The following ADGRV1 variants were observed in gnomAD, a reference collection of about 807,000 sequenced individuals.
ADGRV1 encodes the protein adhesion G protein-coupled receptor V1, also known as G-protein coupled receptor 98.
Under a neutral mutation model 596.2 loss-of-function variants are expected in ADGRV1, and 359 were observed. That is an observed-to-expected ratio of 0.60 (90% CI 0.55 to 0.66). The LOEUF (loss-of-function observed/expected upper bound fraction) is 0.66, where lower values mean the gene tolerates loss of function less well. Ranked by LOEUF, ADGRV1 falls within the 30% of genes least tolerant of loss-of-function variation. ADGRV1 has a pLI of 0.00. For missense variants in ADGRV1, 7,274 were observed against 7,575.6 expected, an observed-to-expected ratio of 0.96 and a Z score of 1.48; for synonymous variants, 2,681 against 2,679.2, an observed-to-expected ratio of 1.00 and a Z score of -0.02.
chr5:91,088,036 T>C (rs989734950), intron 86 of ADGRV1, among the ~76,000 whole-genome samples: 3 of 152,216 alleles, frequency 2.0e-5, no homozygotes, highest in African/African-American at 7.2e-5. Context: ...TTAAATTTTA[T>C]CATAAATAGC....
At chr5:90,980,660 A>G (rs991549874) in intron 84 of ADGRV1, among the ~76,000 whole-genome samples, 2 of 152,246 alleles carry the variant, frequency 1.3e-5, no homozygotes, top group African/African-American at 4.8e-5. Context: ...AACAGTGAAC[A>G]GTAAGCTATG....
intron 85 of ADGRV1, among the ~76,000 whole-genome samples, chr5:91,000,515 A>G (rs1252891477): frequency 6.6e-6 from 1 of 152,176 alleles, no homozygotes; most frequent in Non-Finnish European, 1.5e-5. Context: ...TTTTGAAGGT[A>G]CCAGTCTCCC....
intron 1 of ADGRV1, among the ~76,000 whole-genome samples, chr5:90,588,206 G>A (rs1051583019): frequency 2.6e-5 from 4 of 152,140 alleles, no homozygotes; most frequent in Admixed American, 6.5e-5. Flanking sequence ...TAAAAGAAAC[G>A]TTGGTGACTT....
intron 51 of ADGRV1, 61 bp from the exon 52 acceptor site, chr5:90,745,530 A>G (rs1452494053): frequency 9.0e-7 from 1 of 1,108,134 alleles, no homozygotes; most frequent in Non-Finnish European, 1.3e-6. Context: ...TGAGTAGTCT[A>G]CTATGTATAT....
At chr5:90,764,854 A>G (rs1269885850) in intron 59 of ADGRV1, among the ~76,000 whole-genome samples, 5 of 152,156 alleles carry the variant, frequency 3.3e-5, no homozygotes, top group Non-Finnish European at 7.3e-5. Flanking sequence ...GTCTGAGGGA[A>G]ACATAGGTGT....
chr5:90,830,168 T>C (rs1764405057), intron 77 of ADGRV1, among the ~76,000 whole-genome samples: 1 of 152,132 alleles, frequency 6.6e-6, no homozygotes, highest in Non-Finnish European at 1.5e-5. Context: ...CCTCAAGCTG[T>C]GGATATTAAG....
chr5:90,935,876 G>A (rs544346676), intron 83 of ADGRV1, among the ~76,000 whole-genome samples: 2 of 152,316 alleles, frequency 1.3e-5, no homozygotes, highest in Admixed American at 1.3e-4. Context: ...TACCCAGGAG[G>A]CTAAGGCAGG....
At chr5:90,898,788 T>C (rs1771560153) in intron 83 of ADGRV1, among the ~76,000 whole-genome samples, 1 of 151,354 alleles carries the variant, frequency 6.6e-6, no homozygotes, top group Non-Finnish European at 1.5e-5. Context: ...CTACAAAAGA[T>C]TTAAAAAATT....
At chr5:90,777,245 T>C (rs1046860553) in intron 61 of ADGRV1, among the ~76,000 whole-genome samples, 1 of 152,074 alleles carries the variant, frequency 6.6e-6, no homozygotes, top group African/African-American at 2.4e-5. Flanking sequence ...GTGAGAACTC[T>C]ATCAGGAAAA....
chr5:90,805,634 T>G (rs867112175), intron 72 of ADGRV1, among the ~76,000 whole-genome samples, 176 bp downstream of exon 72: 30 of 152,118 alleles, frequency 2.0e-4, no homozygotes, highest in Admixed American at 5.9e-4. Context: ...GAGAGAAGCT[T>G]TTTTCAGTCA....
intron 77 of ADGRV1, among the ~76,000 whole-genome samples, chr5:90,834,925 T>C (rs1289151006): frequency 6.3e-5 from 9 of 142,818 alleles, no homozygotes; most frequent in African/African-American, 2.3e-4. Flanking sequence ...TCTTTCCTTC[T>C]TTCTTTCTTT....
At chr5:91,143,245 G>A (rs1795250479) in intron 87 of ADGRV1, among the ~76,000 whole-genome samples, 1 of 152,164 alleles carries the variant, frequency 6.6e-6, no homozygotes, top group Non-Finnish European at 1.5e-5. Flanking sequence ...TCCTAGGTCT[G>A]GGCTCCCCAA....
At chr5:91,104,319 CATA>C (rs1791656841) in intron 87 of ADGRV1, among the ~76,000 whole-genome samples, 1 of 152,108 alleles carries the variant, frequency 6.6e-6, no homozygotes, top group South Asian at 2.1e-4. Flanking sequence ...TTAATTGACA[CATA>C]ATAATTGTAT....
chr5:90,683,926 T>C lies in ADGRV1; in HGVS notation c.6005T>C (p.Ile2002Thr). ...EATQNITLSI[I>T]RLKGLMGKVL... ...ACCCAGAACATCACACTATCAATAA[T>C]AAGGTTGAAAGGCCTCATGGGAAAA... is the stretch of plus-strand genomic sequence containing the variant. The change falls in exon 28 of 90, where the codon ATA becomes ACA. Residue 2002 changes from isoleucine to threonine, a missense_variant. Physicochemically the swap from Ile to Thr is moderately conservative, Grantham distance 89. Around this residue, in one of 5 missense-constraint regions of ADGRV1, gnomAD observed 3,643 missense variants for 3,809.2 expected, o/e 0.96. Transcript: ENST00000405460. The C allele has an allele frequency of 1.2e-6, 2 of 1,613,754 alleles. No individual in the cohort carries two copies. Among genetic ancestry groups the C allele is most frequent in the Non-Finnish European group, 1.7e-6 (2 of 1,179,796 alleles).
At chr5:90,624,387 T>C (rs1162870347) in intron 5 of ADGRV1, among the ~76,000 whole-genome samples, 1 of 152,212 alleles carries the variant, frequency 6.6e-6, no homozygotes, top group African/African-American at 2.4e-5. Flanking sequence ...TGTTTTCAAC[T>C]TATCTATGGA....
chr5:91,128,665 G>GA (rs1793963181), intron 87 of ADGRV1, among the ~76,000 whole-genome samples: 1 of 152,030 alleles, frequency 6.6e-6, no homozygotes, highest in Admixed American at 6.5e-5. Context: ...ACACACCCTG[G>GA]AAAAAATAGT....
At chr5:91,071,837 G>A (rs1788417463) in intron 85 of ADGRV1, among the ~76,000 whole-genome samples, 1 of 151,826 alleles carries the variant, frequency 6.6e-6, no homozygotes, top group Non-Finnish European at 1.5e-5. Context: ...ACCACACTCA[G>A]CTAATTTTTT....
chr5:91,032,132 G>A (rs1562116641), intron 85 of ADGRV1, among the ~76,000 whole-genome samples: 2 of 152,334 alleles, frequency 1.3e-5, no homozygotes, highest in South Asian at 4.1e-4. Context: ...GAGCATCCCG[G>A]AAGTAATATT....
intron 84 of ADGRV1, among the ~76,000 whole-genome samples, chr5:90,973,437 G>A (rs1779245990): frequency 6.6e-6 from 1 of 152,152 alleles, no homozygotes. Flanking sequence ...GATGAACATT[G>A]ATGCAAAAAT....
Sources: gnomAD v4.1 joint callset for allele counts (sites outside exome capture counted in the v4.1 genomes callset) on GRCh38, gnomAD v4.1.1 for gene constraint, gnomAD v4.1.1 regional missense constraint, MANE v1.5 for transcripts, NCBI Gene and HGNC (gene_info 2026-07-23, HGNC 2026-07-21) for gene names.